SLC45A4: variants seen among roughly 807,000 people sequenced by gnomAD.
The protein encoded by SLC45A4 is solute carrier family 45 member 4.
Under a neutral mutation model 63.7 loss-of-function variants are expected in SLC45A4, and 32 were observed. The ratio of observed to expected loss-of-function variants is 0.50; its 90% CI spans 0.38 to 0.67. The LOEUF (loss-of-function observed/expected upper bound fraction) is 0.67. SLC45A4 is among the 30% of genes least tolerant of loss of function. The pLI is 0.00. For missense variants in SLC45A4, 1,027 were observed against 1,157.7 expected (o/e 0.89, Z 1.64); for synonymous variants, 535 against 510.0 (o/e 1.05, Z -0.66).
chr8:141,236,198 T>A (rs1306793440), intron 2 of SLC45A4, among the ~76,000 whole-genome samples: 2 of 152,184 alleles, frequency 1.3e-5, no homozygotes, highest in Non-Finnish European at 2.9e-5. Context: ...AGGACTTTTG[T>A]CCCTAACACC....
chr8:141,244,627 G>A (rs912318158), intron 2 of SLC45A4, among the ~76,000 whole-genome samples: 1 of 152,316 alleles, frequency 6.6e-6, no homozygotes, highest in African/African-American at 2.4e-5. Context: ...AGCATGCAGA[G>A]GGGCCAGGCC....
intron 1 of SLC45A4, among the ~76,000 whole-genome samples, chr8:141,287,642 A>G (rs1257159475): frequency 6.6e-6 from 1 of 152,242 alleles, no homozygotes; most frequent in Non-Finnish European, 1.5e-5. Flanking sequence ...TTTTCAGTCT[A>G]GCGAGAGAAT....
At chr8:141,264,352 T>G (rs1298377748) in intron 1 of SLC45A4, among the ~76,000 whole-genome samples, 1 of 152,094 alleles carries the variant, frequency 6.6e-6, no homozygotes, top group East Asian at 1.9e-4. Context: ...CGGCGTGCAC[T>G]TGTCTCCGTT....
At chr8:141,231,546 A>T (rs1016390959) in intron 2 of SLC45A4, among the ~76,000 whole-genome samples, 2 of 152,206 alleles carry the variant, frequency 1.3e-5, no homozygotes, top group African/African-American at 4.8e-5. Context: ...GTGGGGGAGC[A>T]CCCAGCAACA....
chr8:141,254,345 G>A lies in SLC45A4; in HGVS notation c.-116C>T, dbSNP rs1269654723. On this transcript the variant is annotated 5_prime_UTR_variant, in exon 2 of 9. Transcript: ENST00000517878. The surrounding 1 kb of genome is among the most constrained non-coding windows in gnomAD (Gnocchi z 4.5). ...CTTTCTGCTTCTGCTGTGTTCCTCG[G>A]GCAGGTAACACTTACATTCCTCTTT... 8.3e-7 allele frequency: 1 copy of A among 1,205,546 alleles called. No individual in the cohort carries two copies. The highest frequency in any genetic ancestry group is 2.8e-5 in the Admixed American group (1 of 35,858). The allele number at this position is 1,205,546 out of a possible 1,614,324, so 74.7% of individuals were successfully genotyped here.
At chr8:141,247,636 G>A (rs1012939225) in intron 2 of SLC45A4, among the ~76,000 whole-genome samples, 6 of 152,140 alleles carry the variant, frequency 3.9e-5, no homozygotes, top group Admixed American at 6.5e-5. Context: ...GGTCTCGAAC[G>A]CCTGAGTTCA....
intron 1 of SLC45A4, among the ~76,000 whole-genome samples, chr8:141,282,363 C>T (rs765061957): frequency 1.7e-4 from 26 of 152,216 alleles, no homozygotes; most frequent in African/African-American, 6.3e-4. Flanking sequence ...CTGCTCTGAA[C>T]GAGCCTGAAG....
rs1355829794 is a variant in SLC45A4, at chr8:141,229,934, C to T, written c.242-8169G>A. Reference sequence around the variant, plus strand: ...AAAGGAGAACATGGTGCGCACAGCTCAGCGCTGGACACTAGATCCCTGCCT... The same window carrying T: ...AAAGGAGAACATGGTGCGCACAGCTTAGCGCTGGACACTAGATCCCTGCCT... On this transcript the variant is annotated intron_variant, in intron 2 of 8. Coordinates refer to ENST00000517878, the MANE Select transcript of SLC45A4 (RefSeq NM_001286646.2). This position sits in a 1 kb window ranked among gnomAD's most constrained non-coding sequence, Gnocchi z 5.0. 2.5e-6 allele frequency: 1 copy of T among 400,444 alleles called. No individual in the cohort carries two copies. The highest frequency in any genetic ancestry group is 2.9e-5 in the Admixed American group (1 of 35,072). 24.8% of individuals were successfully genotyped at this position (400,444 alleles called of 1,614,324 possible). A position where few individuals can be genotyped will look rare whatever the true frequency, so the allele number is the denominator to read the frequency against.
intron 1 of SLC45A4, among the ~76,000 whole-genome samples, chr8:141,271,818 C>T (rs771118960): frequency 2.2e-5 from 3 of 133,358 alleles, no homozygotes; most frequent in African/African-American, 4.1e-5. Flanking sequence ...ACAACACACA[C>T]ACCACGTGTG....
At chr8:141,250,859 T>C (rs1399296523) in intron 2 of SLC45A4, among the ~76,000 whole-genome samples, 1 of 152,244 alleles carries the variant, frequency 6.6e-6, no homozygotes, top group Non-Finnish European at 1.5e-5. Flanking sequence ...CTAAAATCTA[T>C]ACAAGTCTTA....
At position 141,278,074 on chromosome 8, in the gene SLC45A4, G is replaced by T. The variant is rs1030665089; in HGVS notation, c.-400-23445C>A. Among the ~76,000 whole-genome samples the T allele has an allele frequency of 6.6e-6, 1 of 152,170 alleles. No individual in the cohort carries two copies. The highest frequency in any genetic ancestry group is 1.5e-5 in the Non-Finnish European group (1 of 68,036). On this transcript the variant is annotated intron_variant, in intron 1 of 8. Coordinates refer to ENST00000517878, the MANE Select transcript of SLC45A4 (RefSeq NM_001286646.2). This position sits in a 1 kb window ranked among gnomAD's most constrained non-coding sequence, Gnocchi z 4.1. Reference sequence around the variant, plus strand: ...CAGATGCATGCCAACATCCATGTCCGACTTATAAGTCACTGTTTTAAATAC... The same window carrying T: ...CAGATGCATGCCAACATCCATGTCCTACTTATAAGTCACTGTTTTAAATAC...
At chr8:141,294,660 A>T (rs1223031779) in intron 1 of SLC45A4, among the ~76,000 whole-genome samples, 1 of 152,198 alleles carries the variant, frequency 6.6e-6, no homozygotes, top group Non-Finnish European at 1.5e-5. Flanking sequence ...GTCCCGGGGA[A>T]CCCATGCATG....
chr8:141,272,759 G>A (rs1829589709), intron 1 of SLC45A4, among the ~76,000 whole-genome samples: 1 of 152,104 alleles, frequency 6.6e-6, no homozygotes, highest in South Asian at 2.1e-4. Flanking sequence ...AGCGCTGCCT[G>A]GAGCCGAGTT....
chr8:141,271,897 T>C (rs1563664104), intron 1 of SLC45A4, among the ~76,000 whole-genome samples: 2 of 150,822 alleles, frequency 1.3e-5, no homozygotes, highest in African/African-American at 4.9e-5. Flanking sequence ...CACACCTGCG[T>C]ACACATACAT....
At chr8:141,245,194 T>G (rs567679771) in intron 2 of SLC45A4, among the ~76,000 whole-genome samples, 1 of 152,294 alleles carries the variant, frequency 6.6e-6, no homozygotes, top group East Asian at 1.9e-4. Context: ...TGCACACGTT[T>G]CCAGAAGAAA....
At chr8:141,307,012 C>T (rs1469408082) in intron 1 of SLC45A4, among the ~76,000 whole-genome samples, 1 of 152,176 alleles carries the variant, frequency 6.6e-6, no homozygotes, top group African/African-American at 2.4e-5. Flanking sequence ...GGTCTGTGAA[C>T]CTGAAGCCAC....
chr8:141,263,071 G>C (rs901041338), intron 1 of SLC45A4, among the ~76,000 whole-genome samples: 2 of 151,894 alleles, frequency 1.3e-5, no homozygotes, highest in Non-Finnish European at 2.9e-5. Flanking sequence ...GTAGGGACAT[G>C]GATGAAACTG....
intron 1 of SLC45A4, among the ~76,000 whole-genome samples, chr8:141,275,157 C>T (rs1829684922): frequency 6.6e-6 from 1 of 152,210 alleles, no homozygotes; most frequent in South Asian, 2.1e-4. Context: ...CTCGTGGTCC[C>T]CCATTTTCTG....
At chr8:141,224,417 C>T (rs1826850762) in intron 2 of SLC45A4, 1 of 152,066 alleles carries the variant, frequency 6.6e-6, no homozygotes, top group African/African-American at 2.4e-5. Context: ...TCCCGTTCAT[C>T]CCGTTACGTC....
Sources: allele counts gnomAD v4.1 joint callset (sites outside exome capture counted in the v4.1 genomes callset), GRCh38; gene constraint gnomAD v4.1.1; non-coding constraint Gnocchi (gnomAD v3.1); transcripts MANE v1.5; gene names NCBI Gene and HGNC (gene_info 2026-07-23, HGNC 2026-07-21).